Variants in ERBB4 observed in about 807,000 individuals in gnomAD.
The protein encoded by ERBB4 is erb-b2 receptor tyrosine kinase 4, also known as receptor tyrosine-protein kinase erbB-4.
Under a neutral mutation model 158.0 loss-of-function variants are expected in ERBB4, and 42 were observed. The ratio of observed to expected loss-of-function variants is 0.27; its 90% confidence interval spans 0.21 to 0.34. The LOEUF (loss-of-function observed/expected upper bound fraction) is 0.34. Ranked by LOEUF, ERBB4 falls within the 10% of genes least tolerant of loss-of-function variation. The pLI is 1.00. For synonymous variants in ERBB4, 583 were observed against 558.7 expected (o/e 1.04, Z -0.61); for missense variants, 1,333 against 1,624.1 (o/e 0.82, Z 3.08).
intron 19 of ERBB4, among the ~76,000 whole-genome samples, chr2:211,595,774 T>C (rs2068611913): frequency 6.6e-6 from 1 of 152,194 alleles, no homozygotes; most frequent in Non-Finnish European, 1.5e-5. Flanking sequence ...CAATATAGTA[T>C]TGCTGAGAAG....
chr2:211,992,577 A>AAAC (rs2082104886), intron 2 of ERBB4, among the ~76,000 whole-genome samples: 1 of 151,186 alleles, frequency 6.6e-6, no homozygotes. Flanking sequence ...GAAAAAAAAA[A>AAAC]AAAACATGAG....
chr2:211,565,046 G>A (rs1308135782), intron 19 of ERBB4, among the ~76,000 whole-genome samples: 1 of 152,172 alleles, frequency 6.6e-6, no homozygotes, highest in Non-Finnish European at 1.5e-5. Context: ...GAGCTAAGAG[G>A]GGAGTGGATG....
intron 3 of ERBB4, among the ~76,000 whole-genome samples, chr2:211,865,911 A>G (rs1335487026): frequency 6.6e-6 from 1 of 152,240 alleles, no homozygotes; most frequent in Admixed American, 6.5e-5. Flanking sequence ...TGTAAAATAA[A>G]TTAAACACAC....
At chr2:211,669,057 T>C (rs979073926) in intron 14 of ERBB4, among the ~76,000 whole-genome samples, 16 of 151,376 alleles carry the variant, frequency 1.1e-4, no homozygotes, top group Admixed American at 4.6e-4. Flanking sequence ...ACCCCATCTC[T>C]ACAAAAAATA....
chr2:212,449,265 A>G (rs1316146306), intron 1 of ERBB4, among the ~76,000 whole-genome samples: 2 of 152,196 alleles, frequency 1.3e-5, no homozygotes, highest in African/African-American at 4.8e-5. Flanking sequence ...TCAAATGCAC[A>G]TTAATCAACT....
intron 19 of ERBB4, among the ~76,000 whole-genome samples, chr2:211,609,815 T>G (rs2069124567): frequency 6.6e-6 from 1 of 152,196 alleles, no homozygotes; most frequent in African/African-American, 2.4e-5. Flanking sequence ...ACTGACAAAG[T>G]TCCTGTCCAT....
chr2:212,286,594 CTTTTTTTTTTTTTT>C (rs71054190), intron 1 of ERBB4, among the ~76,000 whole-genome samples: 4 of 55,540 alleles, frequency 7.2e-5, no homozygotes, highest in African/African-American at 1.2e-4. Flanking sequence ...TAAGTGCTGA[CTTTTTTTTTTTTTT>C]TTTTTTTTTT....
intron 3 of ERBB4, among the ~76,000 whole-genome samples, chr2:211,894,485 G>C (rs562696438): frequency 6.7e-6 from 1 of 149,818 alleles, no homozygotes; most frequent in Non-Finnish European, 1.5e-5. Context: ...TGGGTGCAGC[G>C]CACCAGCATG....
intron 2 of ERBB4, among the ~76,000 whole-genome samples, chr2:212,089,561 G>T (rs975975321): frequency 2.0e-5 from 3 of 152,134 alleles, no homozygotes; most frequent in Admixed American, 1.3e-4. Flanking sequence ...GACTGCTCAT[G>T]AGATCTGGTT....
intron 5 of ERBB4, among the ~76,000 whole-genome samples, chr2:211,732,682 G>A (rs1298693391): frequency 3.3e-5 from 5 of 152,172 alleles, no homozygotes; most frequent in Admixed American, 6.5e-5. Flanking sequence ...GGCCAGGCCG[G>A]ACATGGTGGC....
chr2:211,837,713 TA>T (rs537103522), intron 3 of ERBB4, among the ~76,000 whole-genome samples: 105 of 152,126 alleles, frequency 6.9e-4, no homozygotes, highest in African/African-American at 2.5e-3. Flanking sequence ...TGTGTGTGAA[TA>T]AAAAATACAC....
intron 1 of ERBB4, among the ~76,000 whole-genome samples, chr2:212,302,797 AAC>A (rs1401196562): frequency 6.6e-6 from 1 of 151,562 alleles, no homozygotes; most frequent in Non-Finnish European, 1.5e-5. Context: ...TTGTTAAGAA[AAC>A]ACACATGAGC....
intron 2 of ERBB4, among the ~76,000 whole-genome samples, chr2:212,078,784 C>T (rs1469966359): frequency 6.6e-6 from 1 of 151,268 alleles, no homozygotes; most frequent in Non-Finnish European, 1.5e-5. Context: ...ATAATTAAAA[C>T]AATCACTAAT....
At chr2:212,262,176 T>G (rs115295892) in intron 1 of ERBB4, among the ~76,000 whole-genome samples, 5,859 of 152,282 alleles carry the variant, frequency 0.038, 125 homozygotes, top group Non-Finnish European at 0.048. Flanking sequence ...GGAAAATCAT[T>G]CAAATCATAA....
chr2:211,832,876 CTA>C (rs969467130), intron 3 of ERBB4, among the ~76,000 whole-genome samples: 5 of 142,076 alleles, frequency 3.5e-5, no homozygotes, highest in Non-Finnish European at 6.2e-5. Flanking sequence ...ATAAATAAGA[CTA>C]TATATATAGT....
At chr2:212,036,698 T>C (rs1281662731) in intron 2 of ERBB4, among the ~76,000 whole-genome samples, 1 of 152,148 alleles carries the variant, frequency 6.6e-6, no homozygotes, top group Non-Finnish European at 1.5e-5. Flanking sequence ...TCTCCTGACC[T>C]CGTGATCCTC....
At chr2:212,277,185 A>G (rs1266044254) in intron 1 of ERBB4, among the ~76,000 whole-genome samples, 1 of 151,814 alleles carries the variant, frequency 6.6e-6, no homozygotes, top group African/African-American at 2.4e-5. Flanking sequence ...GTGGGCTGCG[A>G]TACACATTGA....
chr2:211,847,854 T>C (rs537072641), intron 3 of ERBB4, among the ~76,000 whole-genome samples: 2 of 152,142 alleles, frequency 1.3e-5, no homozygotes, highest in African/African-American at 4.8e-5. Context: ...CGTGATGCCA[T>C]TGTGTGTATT....
chr2:211,783,174 G>C (rs1484438333), intron 4 of ERBB4, among the ~76,000 whole-genome samples: 1 of 152,162 alleles, frequency 6.6e-6, no homozygotes, highest in Non-Finnish European at 1.5e-5. Context: ...CTGTTTGTCT[G>C]TTATTGATGT....
Sources: allele counts gnomAD v4.1 joint callset (sites outside exome capture counted in the v4.1 genomes callset), GRCh38; gene constraint gnomAD v4.1.1; transcripts MANE v1.5; gene names NCBI Gene and HGNC (gene_info 2026-07-23, HGNC 2026-07-21).